SPRED2: variants seen among roughly 807,000 people sequenced by gnomAD.
The protein encoded by SPRED2 is sprouty related EVH1 domain containing 2, also known as sprouty-related, EVH1 domain-containing protein 2.
Under a neutral mutation model 43.0 loss-of-function variants are expected in SPRED2, and 47 were observed. That is an observed-to-expected ratio of 1.09 (90% CI 0.87 to 1.40). SPRED2 has a LOEUF of 1.40. Among genes scored for constraint, SPRED2 ranks in the 40% most tolerant of loss-of-function variants. The probability of loss-of-function intolerance (pLI) is 0.00; values close to 1 mark genes in which losing one functional copy is unlikely to be tolerated. For synonymous variants in SPRED2, 225 were observed against 225.7 expected, an observed-to-expected ratio of 1.00 and a Z score of 0.03; for missense variants, 561 against 586.4, an observed-to-expected ratio of 0.96 and a Z score of 0.45.
chr2:65,427,284 G>T (rs1235534367), intron 1 of SPRED2, among the ~76,000 whole-genome samples: 1 of 152,058 alleles, frequency 6.6e-6, no homozygotes, highest in Non-Finnish European at 1.5e-5. Flanking sequence ...TCACTGTGTT[G>T]CCCAGGCTGG....
chr2:65,316,982 T>C (rs2104121159), intron 4 of SPRED2, 99 bp from the exon 5 acceptor site: 2 of 1,294,394 alleles, frequency 1.5e-6, no homozygotes, highest in East Asian at 2.4e-5. Flanking sequence ...AGCTATTCCC[T>C]GGTTGTGGCA....
chr2:65,322,386 T>A (rs1340927983), intron 4 of SPRED2, among the ~76,000 whole-genome samples: 1 of 148,706 alleles, frequency 6.7e-6, no homozygotes, highest in African/African-American at 2.5e-5. Flanking sequence ...CTCTGCCTCC[T>A]AGGTTCACGC....
At chr2:65,406,657 C>G (rs907135486) in intron 1 of SPRED2, among the ~76,000 whole-genome samples, 1 of 152,228 alleles carries the variant, frequency 6.6e-6, no homozygotes, top group African/African-American at 2.4e-5. Flanking sequence ...ACTCACACTT[C>G]ACTTTCCTTC....
chr2:65,377,524 AAC>A (rs752399877), intron 1 of SPRED2: 72 of 466,930 alleles, frequency 1.5e-4, no homozygotes, highest in Non-Finnish European at 2.0e-4. Context: ...AAGAAATTCT[AAC>A]AGTGTTCGGT....
At chr2:65,337,689 A>C (rs559772212) in intron 2 of SPRED2, among the ~76,000 whole-genome samples, 3 of 152,346 alleles carry the variant, frequency 2.0e-5, no homozygotes, top group Non-Finnish European at 4.4e-5. Context: ...TATGTCATAG[A>C]GATACAGGAA....
intron 1 of SPRED2, among the ~76,000 whole-genome samples, chr2:65,382,362 C>T (rs1381519854): frequency 1.3e-5 from 2 of 152,154 alleles, no homozygotes; most frequent in Non-Finnish European, 2.9e-5. Context: ...TTTAGAAATT[C>T]TTGCTGCTGC....
chr2:65,362,668 G>C (rs1279456606), intron 1 of SPRED2, among the ~76,000 whole-genome samples: 1 of 152,056 alleles, frequency 6.6e-6, no homozygotes, highest in African/African-American at 2.4e-5. Flanking sequence ...AGACCAGCCT[G>C]GCCATCATGG....
rs150751921 is a variant in SPRED2, at chr2:65,344,952, A to T, written c.27-56T>A. On this transcript the variant is annotated intron_variant, in intron 1 of 5. Coordinates refer to ENST00000356388, the MANE Select transcript of SPRED2 (RefSeq NM_181784.3). ...ATGACAATGGTCTGGTAGTTGCAGAACACGTTTCAAAATGCAAGATGACCA... is the reference window on the plus strand; with the variant it reads ...ATGACAATGGTCTGGTAGTTGCAGATCACGTTTCAAAATGCAAGATGACCA... The T allele has an allele frequency of 7.9e-6, 12 of 1,522,674 alleles. No individual in the cohort carries two copies. The East Asian group carries it at 2.7e-4, about 35-fold the overall frequency. 94.3% of individuals were successfully genotyped at this position (1,522,674 alleles called of 1,614,324 possible).
chr2:65,368,378 C>A (rs1486984832), intron 1 of SPRED2, among the ~76,000 whole-genome samples: 1 of 152,232 alleles, frequency 6.6e-6, no homozygotes, highest in Non-Finnish European at 1.5e-5. Flanking sequence ...CTGCAGGCTG[C>A]AGCCTTATCA....
At chr2:65,384,975 C>CTTTTTT (rs35418849) in intron 1 of SPRED2, among the ~76,000 whole-genome samples, 7 of 139,814 alleles carry the variant, frequency 5.0e-5, no homozygotes, top group Admixed American at 7.3e-5. Context: ...TCCACTTCTT[C>CTTTTTT]TTTTTTTTTT....
At chr2:65,375,016 G>A (rs541430945) in intron 1 of SPRED2, among the ~76,000 whole-genome samples, 18 of 152,292 alleles carry the variant, frequency 1.2e-4, no homozygotes, top group Non-Finnish European at 2.1e-4. Flanking sequence ...TTACAGGGGT[G>A]TCTCATAGGT....
Position 65,314,053 on chromosome 2 carries a change from G to A in SPRED2, c.705C>T (p.Pro235=), listed in dbSNP as rs773782616. 8 of 1,614,098 alleles carry A rather than the reference G, an allele frequency of 5.0e-6. No homozygotes were observed. Among genetic ancestry groups the A allele is most frequent in the Non-Finnish European group, 6.8e-6 (8 of 1,180,010 alleles). ...MTGYEDYRHA[P]VRGKYPDPSE... Reference sequence around the variant, plus strand: ...AGGGGTCCGGGTACTTGCCCCTGACGGGTGCGTGCCGGTAATCCTCGTACC... The same window carrying A: ...AGGGGTCCGGGTACTTGCCCCTGACAGGTGCGTGCCGGTAATCCTCGTACC... Residue 235 remains proline (P), a synonymous_variant, in exon 6 of 6, where the codon CCC becomes CCT. Coordinates refer to ENST00000356388, the MANE Select transcript of SPRED2 (RefSeq NM_181784.3).
chr2:65,342,747 G>A (rs1167387781), intron 2 of SPRED2, among the ~76,000 whole-genome samples: 2 of 152,158 alleles, frequency 1.3e-5, no homozygotes, highest in Non-Finnish European at 2.9e-5. Context: ...ATATGAGAAT[G>A]TTAGGGCAAT....
rs1173118046 is a variant in SPRED2, at chr2:65,432,262, G to A, written c.-275C>T. On this transcript the variant is annotated 5_prime_UTR_variant, in exon 1 of 6. Transcript: ENST00000356388. ...CCGGGGGCTCGGGAGCGGGCAGAGG[G>A]GGCGAGATTTGGGAAGGGGACGGCG... 5 of 494,262 alleles carry A rather than the reference G, an allele frequency of 1.0e-5. No individual in the cohort carries two copies. The East Asian group carries it at 1.4e-4, about 14-fold the overall frequency. The allele number at this position is 494,262 out of a possible 1,614,324, so 30.6% of individuals were successfully genotyped here. A position where few individuals can be genotyped will look rare whatever the true frequency, so the allele number is the denominator to read the frequency against.
chr2:65,356,911 T>C (rs1674669039), intron 1 of SPRED2, among the ~76,000 whole-genome samples: 1 of 152,096 alleles, frequency 6.6e-6, no homozygotes, highest in Non-Finnish European at 1.5e-5. Context: ...GGAGAATCGC[T>C]TGAACCCGAG....
intron 1 of SPRED2, chr2:65,366,630 G>C: frequency 4.5e-6 from 7 of 1,552,848 alleles, no homozygotes; most frequent in Non-Finnish European, 6.1e-6. Context: ...TGGAGCCCGA[G>C]TGCTGGGTAT....
intron 5 of SPRED2, 91 bp from the exon 6 acceptor site, chr2:65,314,260 C>G (rs938146231): frequency 2.4e-5 from 29 of 1,221,218 alleles, no homozygotes; most frequent in Non-Finnish European, 3.2e-5. Flanking sequence ...CCCTAGCCGT[C>G]CAAAATGCAC....
At chr2:65,325,430 G>A (rs904136807) in intron 4 of SPRED2, among the ~76,000 whole-genome samples, 1 of 152,312 alleles carries the variant, frequency 6.6e-6, no homozygotes, top group East Asian at 1.9e-4. Context: ...AGGGAGATTC[G>A]AAAACCTCAA....
chr2:65,375,866 C>G (rs1345912513), intron 1 of SPRED2, among the ~76,000 whole-genome samples: 2 of 152,166 alleles, frequency 1.3e-5, no homozygotes, highest in Non-Finnish European at 2.9e-5. Context: ...TTCCCATGAG[C>G]CCCCGATGCT....
Sources: allele counts gnomAD v4.1 joint callset (sites outside exome capture counted in the v4.1 genomes callset), GRCh38; gene constraint gnomAD v4.1.1; transcripts MANE v1.5; gene names NCBI Gene and HGNC (gene_info 2026-07-23, HGNC 2026-07-21).